Variants in KCND2 observed in about 807,000 individuals in gnomAD.
KCND2 encodes the protein A-type voltage-gated potassium channel KCND2.
Under a neutral mutation model 54.4 loss-of-function variants are expected in KCND2, and 16 were observed. The observed-to-expected ratio is 0.29, with a 90% confidence interval of 0.20 to 0.45. The LOEUF is 0.45. Ranked by LOEUF, KCND2 falls within the 20% of genes least tolerant of loss-of-function variation. The pLI, the probability that KCND2 is intolerant of heterozygous loss-of-function variation, is 1.00. For missense variants in KCND2, 486 were observed against 824.2 expected (o/e 0.59, Z 5.02); for synonymous variants, 317 against 310.7 (o/e 1.02, Z -0.21).
intron 1 of KCND2, among the ~76,000 whole-genome samples, chr7:120,656,103 A>G (rs970013461): frequency 2.6e-5 from 4 of 152,160 alleles, no homozygotes; most frequent in Admixed American, 6.5e-5. Context: ...TTAGTATTCT[A>G]TCAACTCTTT....
chr7:120,619,538 G>A (rs1044035198), intron 1 of KCND2, among the ~76,000 whole-genome samples: 2 of 152,196 alleles, frequency 1.3e-5, no homozygotes, highest in African/African-American at 2.4e-5. Flanking sequence ...TTTTTAATAA[G>A]CTTTGAAACA....
At chr7:120,363,867 G>A (rs1800629822) in intron 1 of KCND2, among the ~76,000 whole-genome samples, 1 of 151,972 alleles carries the variant, frequency 6.6e-6, no homozygotes, top group Non-Finnish European at 1.5e-5. Flanking sequence ...TGCTCACTCT[G>A]CCCTTCTCAC....
chr7:120,499,878 T>C (rs1802907459), intron 1 of KCND2, among the ~76,000 whole-genome samples: 1 of 152,162 alleles, frequency 6.6e-6, no homozygotes, highest in Admixed American at 6.6e-5. Flanking sequence ...TCCTATTAGA[T>C]GACTCATTTC....
At chr7:120,413,023 T>C (rs1259034108) in intron 1 of KCND2, among the ~76,000 whole-genome samples, 2 of 152,112 alleles carry the variant, frequency 1.3e-5, no homozygotes, top group Non-Finnish European at 2.9e-5. Flanking sequence ...CTAATGAAAA[T>C]GTGGCAGTTG....
intron 1 of KCND2, among the ~76,000 whole-genome samples, chr7:120,545,364 A>G (rs1792030816): frequency 6.6e-6 from 1 of 151,914 alleles, no homozygotes; most frequent in Non-Finnish European, 1.5e-5. Context: ...GAGAGCCTCA[A>G]ATTATATGGA....
chr7:120,414,942 T>C (rs537630048), intron 1 of KCND2, among the ~76,000 whole-genome samples: 1 of 152,268 alleles, frequency 6.6e-6, no homozygotes, highest in African/African-American at 2.4e-5. Flanking sequence ...TGTCAATAAG[T>C]ACATGTCAAT....
chr7:120,439,703 C>T (rs1052318919), intron 1 of KCND2, among the ~76,000 whole-genome samples: 1 of 152,054 alleles, frequency 6.6e-6, no homozygotes, highest in Non-Finnish European at 1.5e-5. Context: ...ATTCTACTCT[C>T]TACTTCTATA....
At chr7:120,307,799 A>C (rs1799669757) in intron 1 of KCND2, among the ~76,000 whole-genome samples, 1 of 152,208 alleles carries the variant, frequency 6.6e-6, no homozygotes, top group East Asian at 1.9e-4. Flanking sequence ...GAGACTAGAC[A>C]CCGTGAATAT....
chr7:120,297,830 C>A (rs1270495896), intron 1 of KCND2, among the ~76,000 whole-genome samples: 9 of 152,050 alleles, frequency 5.9e-5, no homozygotes, highest in African/African-American at 2.2e-4. Context: ...GAGTAAAAGT[C>A]ATTGTAAATA....
At chr7:120,503,937 A>G (rs1406605089) in intron 1 of KCND2, among the ~76,000 whole-genome samples, 1 of 151,984 alleles carries the variant, frequency 6.6e-6, no homozygotes, top group Non-Finnish European at 1.5e-5. Context: ...CATATATAAA[A>G]AGCCTTGAAA....
At chr7:120,604,741 A>G (rs1447427502) in intron 1 of KCND2, among the ~76,000 whole-genome samples, 7 of 151,996 alleles carry the variant, frequency 4.6e-5, no homozygotes, top group African/African-American at 7.2e-5. Context: ...ATATTTTTCA[A>G]TACTGTGTTA....
chr7:120,421,562 C>T (rs961755653), intron 1 of KCND2, among the ~76,000 whole-genome samples: 1 of 152,232 alleles, frequency 6.6e-6, no homozygotes, highest in Non-Finnish European at 1.5e-5. Context: ...TTGGATCACA[C>T]TCTCTGTGAT....
At chr7:120,590,685 G>A (rs1381869832) in intron 1 of KCND2, among the ~76,000 whole-genome samples, 4 of 152,112 alleles carry the variant, frequency 2.6e-5, no homozygotes, top group Admixed American at 6.6e-5. Flanking sequence ...TCTTTTGTGA[G>A]GCATTCTGAG....
intron 1 of KCND2, among the ~76,000 whole-genome samples, chr7:120,555,209 T>C (rs1253512402): frequency 6.6e-6 from 1 of 152,198 alleles, no homozygotes; most frequent in Non-Finnish European, 1.5e-5. Flanking sequence ...TTAATTTTTA[T>C]AAACTAAACT....
chr7:120,580,871 G>T (rs1792506287), intron 1 of KCND2, among the ~76,000 whole-genome samples: 1 of 152,046 alleles, frequency 6.6e-6, no homozygotes, highest in South Asian at 2.1e-4. Flanking sequence ...TCCCTAAAAG[G>T]AGTCAAAATA....
chr7:120,549,610 T>A (rs1792081996), intron 1 of KCND2, among the ~76,000 whole-genome samples: 3 of 152,198 alleles, frequency 2.0e-5, no homozygotes, highest in Admixed American at 2.0e-4. Context: ...ATTTCTTTCC[T>A]TTATACCTAG....
At chr7:120,285,030 G>A (rs961197384) in intron 1 of KCND2, among the ~76,000 whole-genome samples, 3 of 152,046 alleles carry the variant, frequency 2.0e-5, no homozygotes, top group Admixed American at 6.6e-5. Context: ...TACATAACAG[G>A]AAATTAAGAA....
At chr7:120,537,658 A>C (rs140319040) in intron 1 of KCND2, among the ~76,000 whole-genome samples, 30 of 152,328 alleles carry the variant, frequency 2.0e-4, no homozygotes, top group African/African-American at 6.7e-4. Context: ...AACGTGTTGC[A>C]GCTTCCATCT....
chr7:120,479,552 A>C (rs942934206), intron 1 of KCND2, among the ~76,000 whole-genome samples: 1 of 151,674 alleles, frequency 6.6e-6, no homozygotes, highest in Non-Finnish European at 1.5e-5. Context: ...CTGGTTTACT[A>C]TTTACTCATG....
Sources: gnomAD v4.1 joint callset for allele counts (sites outside exome capture counted in the v4.1 genomes callset) on GRCh38, gnomAD v4.1.1 for gene constraint, MANE v1.5 for transcripts, NCBI Gene and HGNC (gene_info 2026-07-23, HGNC 2026-07-21) for gene names.